GAN: variants seen among roughly 807,000 people sequenced by gnomAD.
GAN encodes the protein gigaxonin.
GAN carries 48 observed loss-of-function variants against 71.3 expected under a neutral mutation model. The observed-to-expected ratio is 0.67, with a 90% CI of 0.53 to 0.86. GAN has a LOEUF of 0.86. Among genes scored for constraint, GAN ranks in the 40% least tolerant of loss-of-function variants. The pLI, the probability that GAN is intolerant of heterozygous loss-of-function variation, is 0.00. For missense variants in GAN, 928 were observed against 770.1 expected (o/e 1.21, Z -2.43); for synonymous variants, 386 against 276.8 (o/e 1.39, Z -3.92).
chr16:81,376,462 C>CGTGTGT (rs1904279931), intron 9 of GAN, among the ~76,000 whole-genome samples: 2 of 93,778 alleles, frequency 2.1e-5, no homozygotes, highest in Admixed American at 1.1e-4. Context: ...TTTATACATA[C>CGTGTGT]ATATGTGTGT....
At chr16:81,362,440 G>C in intron 5 of GAN, 59 bp from the exon 6 acceptor site, 1 of 833,980 alleles carries the variant, frequency 1.2e-6, no homozygotes, top group East Asian at 2.4e-5. Context: ...TATATGCTGT[G>C]GCGTTTATGG....
At chr16:81,340,825 C>T (rs1193543873) in intron 1 of GAN, among the ~76,000 whole-genome samples, 1 of 151,894 alleles carries the variant, frequency 6.6e-6, no homozygotes, top group Non-Finnish European at 1.5e-5. Flanking sequence ...TTCAGAAGGT[C>T]AGTAATAACA....
In GAN at chr16:81,386,856, G is replaced by C. The variant is rs1046771961; in HGVS notation, c.*9260G>C. The C allele has an allele frequency of 1.3e-5, 2 of 152,404 alleles. No individual in the cohort carries two copies. Among genetic ancestry groups the C allele is most frequent in the African/African-American group, 4.8e-5 (2 of 41,460 alleles). The allele number at this position is 152,404 out of a possible 1,614,324, so 9.4% of individuals were successfully genotyped here. A position where few individuals can be genotyped will look rare whatever the true frequency, so the allele number is the denominator to read the frequency against. On this transcript the variant is annotated 3_prime_UTR_variant, in exon 11 of 11. Coordinates refer to ENST00000648994, the MANE Select transcript of GAN (RefSeq NM_022041.4). ...AGCTACTCGGGAGGCTGAGGCAGGA[G>C]AATCTCTTGAACCCAGGAGGCGGAG...
chr16:81,355,649 C>T (rs1194315995), intron 3 of GAN, among the ~76,000 whole-genome samples: 2 of 152,164 alleles, frequency 1.3e-5, no homozygotes, highest in Non-Finnish European at 2.9e-5. Flanking sequence ...AAGTGTGAAC[C>T]ACCATGCCCA....
At chr16:81,377,154 G>T in intron 9 of GAN, 65 bp from the exon 10 acceptor site, 3 of 967,992 alleles carry the variant, frequency 3.1e-6, no homozygotes, top group South Asian at 1.3e-5. Context: ...TGCTGTGTCA[G>T]TCTTCCTAGA....
chr16:81,352,490 T>C (rs1910331978), intron 2 of GAN, among the ~76,000 whole-genome samples: 1 of 152,198 alleles, frequency 6.6e-6, no homozygotes, highest in African/African-American at 2.4e-5. Context: ...TACCTTTGGC[T>C]GTGTGAGAAT....
At chr16:81,349,784 T>G (rs1910238833) in intron 1 of GAN, among the ~76,000 whole-genome samples, 1 of 152,230 alleles carries the variant, frequency 6.6e-6, no homozygotes, top group Non-Finnish European at 1.5e-5. Context: ...TTCTAAGAAG[T>G]TCTCCCTGTA....
chr16:81,351,740 C>T (rs778063383), intron 2 of GAN, 43 bp downstream of exon 2: 1 of 898,400 alleles, frequency 1.1e-6, no homozygotes, highest in Non-Finnish European at 1.9e-6. Flanking sequence ...GTAGAGGCTT[C>T]TCAAGCTCAG....
rs1307952879 is a variant in GAN, at chr16:81,390,283, A to G, written c.*12687A>G. ...TGATTTCATTGAAATGTCACGTCTC[A>G]CATCCTGTGGTCCAAAGGTACTAGT... is the stretch of plus-strand genomic sequence containing the variant. On this transcript the variant is annotated 3_prime_UTR_variant, in exon 11 of 11. Coordinates refer to ENST00000648994, the MANE Select transcript of GAN (RefSeq NM_022041.4). 2 of 152,242 alleles carry G rather than the reference A, an allele frequency of 1.3e-5. No homozygotes were observed. The highest frequency in any genetic ancestry group is 2.9e-5 in the Non-Finnish European group (2 of 68,040). 9.4% of individuals were successfully genotyped at this position (152,242 alleles called of 1,614,324 possible).
intron 1 of GAN, among the ~76,000 whole-genome samples, chr16:81,316,786 G>T (rs1025308830): frequency 6.6e-6 from 1 of 152,142 alleles, no homozygotes; most frequent in African/African-American, 2.4e-5. Context: ...TTACCACTTT[G>T]ACGTACCCCA....
intron 1 of GAN, among the ~76,000 whole-genome samples, chr16:81,334,474 A>G (rs544497721): frequency 4.6e-5 from 7 of 152,194 alleles, no homozygotes; most frequent in Admixed American, 6.5e-5. Flanking sequence ...GGCAGGGCAC[A>G]TGTGGTATTG....
At position 81,383,823 on chromosome 16, in the gene GAN, C is replaced by T. The variant is rs1054887963; in HGVS notation, c.*6227C>T. 6.6e-6 allele frequency: 1 copy of T among 152,094 alleles called. No individual in the cohort carries two copies. The highest frequency in any genetic ancestry group is 2.1e-4 in the South Asian group (1 of 4,824). 9.4% of individuals were successfully genotyped at this position (152,094 alleles called of 1,614,324 possible). A position where few individuals can be genotyped will look rare whatever the true frequency, so the allele number is the denominator to read the frequency against. ...TGAACGAGTAGACACTGAATAGGAT[C>T]CACGTAAATGAACGGCCATTTCAAA... On this transcript the variant is annotated 3_prime_UTR_variant, in exon 11 of 11. Coordinates refer to ENST00000648994, the MANE Select transcript of GAN (RefSeq NM_022041.4).
At chr16:81,325,650 TG>T (rs1244808436) in intron 1 of GAN, among the ~76,000 whole-genome samples, 1 of 152,136 alleles carries the variant, frequency 6.6e-6, no homozygotes, top group East Asian at 1.9e-4. Context: ...ACTGGGACAG[TG>T]TCCTAGGCAT....
At chr16:81,354,265 T>G in intron 2 of GAN, 140 bp from the exon 3 acceptor site, 1 of 665,852 alleles carries the variant, frequency 1.5e-6, no homozygotes, top group East Asian at 2.7e-5. Context: ...AATGCTGGGT[T>G]AAACCATATG....
chr16:81,322,356 C>T (rs1909249307), intron 1 of GAN, among the ~76,000 whole-genome samples: 1 of 152,204 alleles, frequency 6.6e-6, no homozygotes, highest in Non-Finnish European at 1.5e-5. Context: ...TCAGCAGCGG[C>T]TAGGTACTAG....
At chr16:81,343,322 A>C (rs1476804075) in intron 1 of GAN, among the ~76,000 whole-genome samples, 1 of 152,176 alleles carries the variant, frequency 6.6e-6, no homozygotes, top group Non-Finnish European at 1.5e-5. Context: ...AACAAAAGAG[A>C]ATTTTAGGCC....
At chr16:81,321,859 C>T (rs898958031) in intron 1 of GAN, among the ~76,000 whole-genome samples, 4 of 152,168 alleles carry the variant, frequency 2.6e-5, no homozygotes, top group African/African-American at 4.8e-5. Flanking sequence ...TGCGACCTTG[C>T]ATTTGAGCGC....
Position 81,357,977 on chromosome 16 carries a change from G to A in GAN, c.973+46G>A, listed in dbSNP as rs200925513. 39 of 1,522,794 alleles carry A rather than the reference G, an allele frequency of 2.6e-5. No homozygotes were observed. In the East Asian group the frequency reaches 2.9e-4, roughly 11 times the overall value. The allele number at this position is 1,522,794 out of a possible 1,614,324, so 94.3% of individuals were successfully genotyped here. On this transcript the variant is annotated intron_variant, in intron 5 of 10. Transcript: ENST00000648994. The stretch of plus-strand genomic sequence containing the variant: ...TTCCTTAAACAGCAGATCAAGTAAT[G>A]TGTAATCTCAAGGTTTTACAGAATG...
chr16:81,355,217 C>T (rs1367512611), intron 3 of GAN, among the ~76,000 whole-genome samples: 1 of 152,130 alleles, frequency 6.6e-6, no homozygotes, highest in Non-Finnish European at 1.5e-5. Flanking sequence ...TGACACCACG[C>T]AGGAGAAAGC....
Sources: allele counts gnomAD v4.1 joint callset (sites outside exome capture counted in the v4.1 genomes callset), GRCh38; gene constraint gnomAD v4.1.1; transcripts MANE v1.5; gene names NCBI Gene and HGNC (gene_info 2026-07-23, HGNC 2026-07-21).